LRP1B: variants seen among roughly 807,000 people sequenced by gnomAD.
LRP1B encodes LDL receptor related protein 1B.
A neutral mutation model predicts 556.6 loss-of-function variants in LRP1B; 217 were observed. The ratio of observed to expected loss-of-function variants is 0.39; its 90% CI spans 0.35 to 0.44. LRP1B has a LOEUF of 0.44. LRP1B is among the 20% of genes least tolerant of loss of function. LRP1B has a pLI of 1.00. For missense variants in LRP1B, 5,053 were observed against 5,620.8 expected, an observed-to-expected ratio of 0.90 and a Z score of 3.23; for synonymous variants, 2,047 against 1,865.8, an observed-to-expected ratio of 1.10 and a Z score of -2.50.
chr2:140,962,400 CAT>C (rs1239178797), intron 18 of LRP1B, among the ~76,000 whole-genome samples: 6 of 152,102 alleles, frequency 3.9e-5, no homozygotes, highest in Non-Finnish European at 8.8e-5. Context: ...AATGTGGACT[CAT>C]ATGAAAATAA....
At chr2:140,297,019 G>A (rs1379694839) in intron 84 of LRP1B, among the ~76,000 whole-genome samples, 2 of 152,132 alleles carry the variant, frequency 1.3e-5, no homozygotes, top group Admixed American at 6.6e-5. Flanking sequence ...CAGGAAAATA[G>A]TCATAAAGCA....
At chr2:141,753,262 C>CTATATATATATATATATATATATA (rs70994451) in intron 2 of LRP1B, among the ~76,000 whole-genome samples, 39 of 36,178 alleles carry the variant, frequency 1.1e-3, no homozygotes, top group South Asian at 1.8e-3. Flanking sequence ...CTCTCTCTCT[C>CTATATATATATATATATATATATA]CATATATATA....
chr2:141,141,394 A>G (rs901931478), intron 7 of LRP1B, among the ~76,000 whole-genome samples: 2 of 152,128 alleles, frequency 1.3e-5, no homozygotes, highest in African/African-American at 4.8e-5. Flanking sequence ...TCCGTAATAT[A>G]TTTAAGATAC....
intron 83 of LRP1B, among the ~76,000 whole-genome samples, chr2:140,309,316 C>T (rs970929249): frequency 6.6e-6 from 1 of 151,760 alleles, no homozygotes; most frequent in South Asian, 2.1e-4. Context: ...TTATAGGTCA[C>T]AATTTATTTA....
chr2:141,356,233 G>T (rs1688622496), intron 3 of LRP1B, among the ~76,000 whole-genome samples: 1 of 152,180 alleles, frequency 6.6e-6, no homozygotes, highest in South Asian at 2.1e-4. Flanking sequence ...CCAGAAACCA[G>T]TTATTTACTG....
intron 1 of LRP1B, among the ~76,000 whole-genome samples, chr2:142,081,324 G>T (rs891026882): frequency 6.6e-6 from 1 of 151,410 alleles, no homozygotes; most frequent in Admixed American, 6.6e-5. Context: ...AAATGAGGGA[G>T]TTTTTTTTTC....
intron 87 of LRP1B, among the ~76,000 whole-genome samples, chr2:140,245,896 G>C (rs1263643085): frequency 6.6e-6 from 1 of 151,154 alleles, no homozygotes; most frequent in African/African-American, 2.4e-5. Context: ...CAAATTCTAA[G>C]ATCAACTCAA....
chr2:140,908,364 TAATATA>T (rs1186861220), intron 21 of LRP1B, among the ~76,000 whole-genome samples: 16 of 33,770 alleles, frequency 4.7e-4, no homozygotes, highest in Middle Eastern at 0.025. Flanking sequence ...TATATTTATA[TAATATA>T]TATATATATA....
chr2:141,745,473 A>C (rs6717223), intron 2 of LRP1B, among the ~76,000 whole-genome samples: 2 of 152,056 alleles, frequency 1.3e-5, no homozygotes, highest in African/African-American at 4.8e-5. Context: ...CCACAGGTCC[A>C]TAAGGAATAC....
intron 1 of LRP1B, among the ~76,000 whole-genome samples, chr2:142,009,235 T>C (rs565297718): frequency 2.2e-4 from 34 of 152,322 alleles, no homozygotes; most frequent in Admixed American, 5.2e-4. Context: ...GTTATCATAA[T>C]GGCAGAAACA....
At chr2:142,035,052 T>C (rs1703832968) in intron 1 of LRP1B, among the ~76,000 whole-genome samples, 1 of 151,802 alleles carries the variant, frequency 6.6e-6, no homozygotes, top group African/African-American at 2.4e-5. Context: ...TACTGTACTA[T>C]TCCTTTTTAG....
chr2:141,954,916 G>A (rs934908194), intron 1 of LRP1B, among the ~76,000 whole-genome samples: 6 of 151,642 alleles, frequency 4.0e-5, no homozygotes, highest in Admixed American at 1.3e-4. Flanking sequence ...TTACTTATGG[G>A]ATGTGTCAGA....
intron 2 of LRP1B, among the ~76,000 whole-genome samples, chr2:141,767,368 C>A (rs1202141100): frequency 6.6e-6 from 1 of 151,964 alleles, no homozygotes; most frequent in Non-Finnish European, 1.5e-5. Context: ...CTGTCTGCAG[C>A]CACTTCTTAA....
intron 66 of LRP1B, among the ~76,000 whole-genome samples, chr2:140,395,497 T>C (rs1684207554): frequency 1.3e-5 from 2 of 152,244 alleles, no homozygotes; most frequent in African/African-American, 4.8e-5. Flanking sequence ...AGGGACAACC[T>C]GTTCTTCTAG....
At chr2:140,544,163 G>T (rs919309990) in intron 43 of LRP1B, among the ~76,000 whole-genome samples, 5 of 52,442 alleles carry the variant, frequency 9.5e-5, no homozygotes, top group African/African-American at 2.3e-4. Flanking sequence ...GTGCAGGTTT[G>T]TTATATAGGT....
At chr2:141,443,449 T>C (rs1438684399) in intron 3 of LRP1B, among the ~76,000 whole-genome samples, 1 of 152,220 alleles carries the variant, frequency 6.6e-6, no homozygotes, top group Non-Finnish European at 1.5e-5. Flanking sequence ...ATCTGATTTG[T>C]CAATTTTGGC....
chr2:141,506,976 A>G (rs1253141772), intron 2 of LRP1B, among the ~76,000 whole-genome samples: 4 of 152,074 alleles, frequency 2.6e-5, no homozygotes, highest in African/African-American at 9.7e-5. Context: ...AATGACATGG[A>G]CTATACAAAG....
At chr2:140,265,355 A>C (rs1452873201) in intron 86 of LRP1B, among the ~76,000 whole-genome samples, 1 of 152,088 alleles carries the variant, frequency 6.6e-6, no homozygotes, top group African/African-American at 2.4e-5. Context: ...CCCCCAAATA[A>C]ATGCAAAAAA....
chr2:141,954,758 C>T (rs1035943583), intron 1 of LRP1B, among the ~76,000 whole-genome samples: 4 of 152,086 alleles, frequency 2.6e-5, no homozygotes, highest in South Asian at 2.1e-4. Context: ...TATTCTTTAG[C>T]GATCTTATTC....
Sources: gnomAD v4.1 joint callset for allele counts (sites outside exome capture counted in the v4.1 genomes callset) on GRCh38, gnomAD v4.1.1 for gene constraint, MANE v1.5 for transcripts, NCBI Gene and HGNC (gene_info 2026-07-23, HGNC 2026-07-21) for gene names.